Variants in FMN2 observed in about 807,000 individuals in gnomAD.
FMN2 encodes formin 2.
Under a neutral mutation model 142.3 loss-of-function variants are expected in FMN2, and 51 were observed. The ratio of observed to expected loss-of-function variants is 0.36; its 90% CI spans 0.29 to 0.45. The LOEUF is 0.45. FMN2 is among the 20% of genes least tolerant of loss of function. The probability of loss-of-function intolerance (pLI) is 1.00; values close to 1 mark genes in which losing one functional copy is unlikely to be tolerated. For missense variants in FMN2, 1,936 were observed against 2,122.8 expected (o/e 0.91, Z 1.73); for synonymous variants, 882 against 869.8 (o/e 1.01, Z -0.25).
At chr1:240,242,826 T>C (rs969954722) in intron 6 of FMN2, among the ~76,000 whole-genome samples, 2 of 152,218 alleles carry the variant, frequency 1.3e-5, no homozygotes, top group African/African-American at 4.8e-5. Flanking sequence ...GGCTTCTAGA[T>C]TCTTAATCAG....
At chr1:240,139,399 GGA>G (rs1367668878) in intron 2 of FMN2, among the ~76,000 whole-genome samples, 7 of 152,134 alleles carry the variant, frequency 4.6e-5, no homozygotes, top group South Asian at 2.1e-4. Flanking sequence ...TCTGAGGTCA[GGA>G]GAGAGAGCCT....
intron 15 of FMN2, among the ~76,000 whole-genome samples, chr1:240,413,418 T>C (rs933238453): frequency 6.6e-6 from 1 of 152,002 alleles, no homozygotes; most frequent in African/African-American, 2.4e-5. Context: ...GGCAGAATTA[T>C]TTTAGTGGCT....
intron 6 of FMN2, among the ~76,000 whole-genome samples, chr1:240,252,638 G>A (rs75236623): frequency 9.2e-5 from 14 of 151,510 alleles, no homozygotes; most frequent in South Asian, 6.3e-4. Flanking sequence ...ATTCTGACGG[G>A]GGGGGTGGTT....
chr1:240,299,783 A>G (rs1670130642), intron 8 of FMN2, among the ~76,000 whole-genome samples: 1 of 152,104 alleles, frequency 6.6e-6, no homozygotes, highest in Admixed American at 6.6e-5. Flanking sequence ...AGTTTATACT[A>G]GATAATGCAT....
At chr1:240,230,495 A>G (rs1254060718) in intron 6 of FMN2, among the ~76,000 whole-genome samples, 1 of 132,300 alleles carries the variant, frequency 7.6e-6, no homozygotes, top group East Asian at 2.2e-4. Flanking sequence ...GCCATAAAAA[A>G]ATTTTGTTTT....
At chr1:240,148,971 C>CAAAAAAAAAA (rs57556688) in intron 2 of FMN2, among the ~76,000 whole-genome samples, 1 of 143,846 alleles carries the variant, frequency 7.0e-6, no homozygotes, top group Non-Finnish European at 1.5e-5. Context: ...GACTCCGTCT[C>CAAAAAAAAAA]AAAAAAAAAT....
intron 4 of FMN2, among the ~76,000 whole-genome samples, chr1:240,197,052 A>C (rs993668525): frequency 6.6e-6 from 1 of 152,150 alleles, no homozygotes; most frequent in Non-Finnish European, 1.5e-5. Context: ...TAACTTCAGG[A>C]TGGGGCTGGT....
intron 8 of FMN2, among the ~76,000 whole-genome samples, chr1:240,315,001 A>G (rs1478396423): frequency 2.0e-5 from 3 of 152,196 alleles, no homozygotes; most frequent in Non-Finnish European, 1.5e-5. Flanking sequence ...ACATAGAGTA[A>G]ACATTTTCCA....
intron 2 of FMN2, chr1:240,145,111 GGAAGTTGTA>G: frequency 6.8e-7 from 1 of 1,479,546 alleles, no homozygotes; most frequent in Non-Finnish European, 9.4e-7. Flanking sequence ...CCAAAGTCAT[GGAAGTTGTA>G]GAAGAACGAA....
intron 2 of FMN2, among the ~76,000 whole-genome samples, chr1:240,126,370 C>G (rs572888238): frequency 6.6e-6 from 1 of 151,478 alleles, no homozygotes; most frequent in African/African-American, 2.4e-5. Context: ...ACCTACCCCC[C>G]CCCACTTTGT....
intron 4 of FMN2, among the ~76,000 whole-genome samples, chr1:240,201,180 C>G (rs73112889): frequency 0.021 from 3,253 of 152,216 alleles, 127 homozygotes; most frequent in African/African-American, 0.074. Flanking sequence ...ATAAATTGAT[C>G]ATTTATAAAA....
chr1:240,266,846 G>A (rs1668830433), intron 7 of FMN2, among the ~76,000 whole-genome samples: 1 of 152,018 alleles, frequency 6.6e-6, no homozygotes, highest in South Asian at 2.1e-4. Context: ...AAGCAATGGG[G>A]AAAGGACTCC....
At chr1:240,314,096 T>C (rs1028943136) in intron 8 of FMN2, among the ~76,000 whole-genome samples, 1 of 152,204 alleles carries the variant, frequency 6.6e-6, no homozygotes. Flanking sequence ...TACTGTCCTC[T>C]GCAAGGAAAA....
Position 240,207,591 on chromosome 1 carries a change from C to T in FMN2, c.2779C>T (p.Pro927Ser), listed in dbSNP as rs779664716. Residue 927 changes from proline (P) to serine (S), a missense_variant, in exon 5 of 18, where the codon CCC becomes TCC. Pro to Ser is a moderately conservative substitution (Grantham distance 74, BLOSUM62 -1). This residue lies in a region of FMN2 where 478 missense variants were observed against 462.8 expected (regional missense o/e 1.03). Coordinates refer to ENST00000319653, the MANE Select transcript of FMN2 (RefSeq NM_020066.5). ...GGGCATACCTCCTCCGCCGCCTCTA[C>T]CCGGAGCAGGCATACTCCCTCTGCC... Reference protein sequence around the residue: ...GAGIPPPPPLPGAGILPLPPL... With the variant: ...GAGIPPPPPLSGAGILPLPPL... 24 of 1,591,366 alleles carry T rather than the reference C, an allele frequency of 1.5e-5. No individual in the cohort carries two copies. The Admixed American group carries it at 2.9e-4, about 19-fold the overall frequency.
At chr1:240,145,224 G>A in intron 2 of FMN2, 1 of 1,452,506 alleles carries the variant, frequency 6.9e-7, no homozygotes. Context: ...TCTTGAAGCT[G>A]TTTATCTTCC....
chr1:240,172,261 A>C (rs375756080), intron 2 of FMN2, among the ~76,000 whole-genome samples: 1 of 152,118 alleles, frequency 6.6e-6, no homozygotes, highest in East Asian at 1.9e-4. Context: ...TCACAGGGCA[A>C]TTGTTAATTG....
intron 16 of FMN2, among the ~76,000 whole-genome samples, chr1:240,469,187 C>T (rs1676731285): frequency 6.6e-6 from 1 of 152,130 alleles, no homozygotes; most frequent in African/African-American, 2.4e-5. Context: ...CACCGTTTCT[C>T]AGGGTGGTCC....
At chr1:240,305,631 GT>G (rs1670360964) in intron 8 of FMN2, among the ~76,000 whole-genome samples, 1 of 152,130 alleles carries the variant, frequency 6.6e-6, no homozygotes, top group African/African-American at 2.4e-5. Flanking sequence ...GTATTACGTG[GT>G]TTGGAAAATG....
At chr1:240,120,510 C>T (rs557096884) in intron 1 of FMN2, among the ~76,000 whole-genome samples, 15 of 152,222 alleles carry the variant, frequency 9.9e-5, no homozygotes, top group Non-Finnish European at 2.1e-4. Flanking sequence ...TGTATTTATT[C>T]AGAAATCCTG....
Sources: allele counts gnomAD v4.1 joint callset (sites outside exome capture counted in the v4.1 genomes callset), GRCh38; gene constraint gnomAD v4.1.1; regional missense constraint gnomAD v4.1.1; transcripts MANE v1.5; gene names NCBI Gene and HGNC (gene_info 2026-07-23, HGNC 2026-07-21).